The following PARD3B variants were observed in gnomAD, a reference collection of about 807,000 sequenced individuals.
PARD3B encodes par-3 family cell polarity regulator beta.
PARD3B carries 103 observed loss-of-function variants against 130.2 expected under a neutral mutation model. The observed-to-expected ratio is 0.79, with a 90% confidence interval of 0.67 to 0.93. The LOEUF (loss-of-function observed/expected upper bound fraction) is 0.93. Ranked by LOEUF, PARD3B falls within the 40% of genes least tolerant of loss-of-function variation. The pLI, the probability that PARD3B is intolerant of heterozygous loss-of-function variation, is 0.00. For synonymous variants in PARD3B, 583 were observed against 553.2 expected (o/e 1.05, Z -0.76); for missense variants, 1,609 against 1,499.2 (o/e 1.07, Z -1.21).
chr2:204,875,027 A>G (rs2045781681), intron 2 of PARD3B, among the ~76,000 whole-genome samples: 1 of 152,094 alleles, frequency 6.6e-6, no homozygotes, highest in South Asian at 2.1e-4. Flanking sequence ...TTTAATTTAT[A>G]TCTCCCTTAT....
intron 2 of PARD3B, among the ~76,000 whole-genome samples, chr2:204,726,562 T>C (rs1413590142): frequency 6.6e-6 from 1 of 152,188 alleles, no homozygotes; most frequent in Admixed American, 6.5e-5. Context: ...TCTAACCTTT[T>C]ACCTCTTAGT....
intron 20 of PARD3B, among the ~76,000 whole-genome samples, chr2:205,451,463 T>C (rs1028910051): frequency 3.9e-5 from 6 of 152,154 alleles, no homozygotes; most frequent in Non-Finnish European, 7.3e-5. Context: ...CCACCACAAA[T>C]AGATTACCTT....
Position 205,525,709 on chromosome 2 carries a change from T to G in PARD3B, c.3180+25678T>G, listed in dbSNP as rs2051306419. ...GAGACCCAGCATTATCGAAGGCTTA[T>G]CCTTTCTCACACTGAACTAATACTC... On this transcript the variant is annotated intron_variant, in intron 21 of 22. Coordinates refer to ENST00000406610, the MANE Select transcript of PARD3B (RefSeq NM_001302769.2). The surrounding 1 kb of genome is among the most constrained non-coding windows in gnomAD (Gnocchi z 4.2). Among the ~76,000 whole-genome samples the G allele has an allele frequency of 6.6e-6, 1 of 152,164 alleles. No homozygotes were observed. Among genetic ancestry groups the G allele is most frequent in the Non-Finnish European group, 1.5e-5 (1 of 68,034 alleles).
intron 2 of PARD3B, among the ~76,000 whole-genome samples, chr2:204,771,913 GC>G (rs1255699199): frequency 6.6e-6 from 1 of 151,976 alleles, no homozygotes; most frequent in East Asian, 1.9e-4. Flanking sequence ...ATTTTAATAT[GC>G]TGGAAAGACA....
At chr2:204,758,232 C>T (rs975330535) in intron 2 of PARD3B, among the ~76,000 whole-genome samples, 7 of 152,024 alleles carry the variant, frequency 4.6e-5, no homozygotes, top group Non-Finnish European at 8.8e-5. Context: ...GAAGGAAACC[C>T]GAAAGCTCAG....
rs918834174 is a variant in PARD3B, at chr2:205,121,314, T to G, written c.807-277T>G. On this transcript the variant is annotated intron_variant, in intron 7 of 22. Coordinates refer to ENST00000406610, the MANE Select transcript of PARD3B (RefSeq NM_001302769.2). This position sits in a 1 kb window ranked among gnomAD's most constrained non-coding sequence, Gnocchi z 5.0. ...ATCTCTCTGAGCCTCAACTTCCATG[T>G]CCGTGAAATGAAAGCTATTTATACT... 6.6e-6 allele frequency among the ~76,000 whole-genome samples: 1 copy of G among 152,234 alleles called. No individual in the cohort carries two copies.
intron 2 of PARD3B, among the ~76,000 whole-genome samples, chr2:204,922,661 C>T (rs960702590): frequency 2.7e-5 from 4 of 149,158 alleles, no homozygotes; most frequent in Non-Finnish European, 4.5e-5. Flanking sequence ...TTAAAGGAAA[C>T]GTGACTACAA....
At chr2:204,945,703 G>A (rs770626141) in intron 2 of PARD3B, among the ~76,000 whole-genome samples, 8 of 152,114 alleles carry the variant, frequency 5.3e-5, no homozygotes, top group Non-Finnish European at 1.5e-5. Flanking sequence ...AGGATGGAAG[G>A]TCTAACAAAC....
chr2:205,395,727 A>C (rs2046005432), intron 18 of PARD3B, among the ~76,000 whole-genome samples: 5 of 152,190 alleles, frequency 3.3e-5, no homozygotes, highest in Admixed American at 3.3e-4. Flanking sequence ...AGGGATCCCC[A>C]GTCAGTTAAA....
intron 3 of PARD3B, among the ~76,000 whole-genome samples, chr2:205,005,799 A>G (rs1280034318): frequency 6.6e-6 from 1 of 152,196 alleles, no homozygotes; most frequent in Non-Finnish European, 1.5e-5. Flanking sequence ...AAAACATATC[A>G]TGTTTTAAAA....
At chr2:204,652,090 A>T (rs2035498396) in intron 1 of PARD3B, among the ~76,000 whole-genome samples, 1 of 151,944 alleles carries the variant, frequency 6.6e-6, no homozygotes, top group Admixed American at 6.6e-5. Context: ...AATGCTCTGG[A>T]GACATTTTCC....
At position 205,015,061 on chromosome 2, in the gene PARD3B, C is replaced by G. The variant is rs1192413189; in HGVS notation, c.395-32520C>G. On this transcript the variant is annotated intron_variant, in intron 3 of 22. Coordinates refer to ENST00000406610, the MANE Select transcript of PARD3B (RefSeq NM_001302769.2). This position sits in a 1 kb window ranked among gnomAD's most constrained non-coding sequence, Gnocchi z 4.5. ...AAAATCTGAGTATAACTTGCAACTC[C>G]CCAAAAAACTTAACTACTAATACCT... is the stretch of plus-strand genomic sequence containing the variant. Among the ~76,000 whole-genome samples, 1 of 152,032 alleles carries G rather than the reference C, an allele frequency of 6.6e-6. No homozygotes were observed. The highest frequency in any genetic ancestry group is 2.4e-5 in the African/African-American group (1 of 41,374).
chr2:204,965,196 G>A lies in PARD3B; in HGVS notation c.267G>A (p.Glu89=), dbSNP rs776826142. The part of the protein sequence containing the change: ...FEEQEPLHKI[E]SPSGNPADRQ... ...AACAAGAACCACTCCACAAGATTGA[G>A]AGCCCCAGTGGAAACCCTGCAGATC... Residue 89 remains glutamate (E), a synonymous_variant, in exon 3 of 23, where the codon GAG becomes GAA. Coordinates refer to ENST00000406610, the MANE Select transcript of PARD3B (RefSeq NM_001302769.2). 2.5e-6 allele frequency: 4 copies of A among 1,613,924 alleles called. No homozygotes were observed. The highest frequency in any genetic ancestry group is 4.5e-5 in the East Asian group (2 of 44,870).
chr2:204,794,912 A>T (rs2042319338), intron 2 of PARD3B, among the ~76,000 whole-genome samples: 1 of 152,158 alleles, frequency 6.6e-6, no homozygotes, highest in South Asian at 2.1e-4. Flanking sequence ...ATAATTTATT[A>T]TTCTTATCAT....
At chr2:204,747,096 T>A (rs1474297356) in intron 2 of PARD3B, among the ~76,000 whole-genome samples, 3 of 152,184 alleles carry the variant, frequency 2.0e-5, no homozygotes, top group Non-Finnish European at 4.4e-5. Context: ...TCTTCTAGGG[T>A]TTTTATGGTT....
intron 2 of PARD3B, among the ~76,000 whole-genome samples, chr2:204,747,621 G>A (rs574561685): frequency 5.3e-5 from 8 of 152,140 alleles, no homozygotes; most frequent in Admixed American, 3.3e-4. Context: ...CATTGCGAAG[G>A]TGATCCTATG....
rs188751103 is a variant in PARD3B at position 205,258,734 on chromosome 2, T to C, written c.2185+12912T>C. ...GTCCTTAAGCTTTATGTGTATGTCT[T>C]GTCCTAATAAATAGCTGGATTTTGT... On this transcript the variant is annotated intron_variant, in intron 16 of 22. Transcript: ENST00000406610. The surrounding 1 kb of genome is among the most constrained non-coding windows in gnomAD (Gnocchi z 4.9). Among the ~76,000 whole-genome samples, 69 of 152,328 alleles carry C rather than the reference T, an allele frequency of 4.5e-4. No individual in the cohort carries two copies. The highest frequency in any genetic ancestry group is 1.7e-3 in the African/African-American group (69 of 41,578).
chr2:205,520,492 A>G (rs986262618), intron 21 of PARD3B, among the ~76,000 whole-genome samples: 1 of 152,142 alleles, frequency 6.6e-6, no homozygotes, highest in Non-Finnish European at 1.5e-5. Context: ...CCGAGTTGCT[A>G]CTGGCTCAAT....
At position 204,942,900 on chromosome 2, in the gene PARD3B, A is replaced by C. The variant is rs968749544; in HGVS notation, c.223-22252A>C. Among the ~76,000 whole-genome samples the C allele has an allele frequency of 1.4e-4, 21 of 152,182 alleles. 1 individual carries two copies. Among genetic ancestry groups the C allele is most frequent in the Admixed American group, 3.3e-4 (5 of 15,280 alleles). On this transcript the variant is annotated intron_variant, in intron 2 of 22. Coordinates refer to ENST00000406610, the MANE Select transcript of PARD3B (RefSeq NM_001302769.2). ...GAAACTGGGGCTTACTTGAGGAGGG[A>C]GAGGAACAGAAAAAACATCTACTGT... is the stretch of plus-strand genomic sequence containing the variant.
Sources: gnomAD v4.1 joint callset for allele counts (sites outside exome capture counted in the v4.1 genomes callset) on GRCh38, gnomAD v4.1.1 for gene constraint, Gnocchi (gnomAD v3.1) non-coding constraint, MANE v1.5 for transcripts, NCBI Gene and HGNC (gene_info 2026-07-23, HGNC 2026-07-21) for gene names.